PCSK6: variants seen among roughly 807,000 people sequenced by gnomAD.
PCSK6 encodes the protein paired basic amino acid cleaving enzyme 4.
In PCSK6, 85 loss-of-function variants were observed where a neutral mutation model predicts 123.3. The ratio of observed to expected loss-of-function variants is 0.69; its 90% confidence interval spans 0.58 to 0.83. The LOEUF (loss-of-function observed/expected upper bound fraction) is 0.83. Among genes scored for constraint, PCSK6 ranks in the 40% least tolerant of loss-of-function variants. The pLI is 0.00. For missense variants in PCSK6, 1,191 were observed against 1,282.3 expected (o/e 0.93, Z 1.09); for synonymous variants, 508 against 516.0 (o/e 0.98, Z 0.21).
At chr15:101,336,778 A>G (rs1182815266) in intron 13 of PCSK6, 1 of 145,474 alleles carries the variant, frequency 6.9e-6, no homozygotes, top group African/African-American at 2.6e-5. Flanking sequence ...GATCTGCAAG[A>G]TACTCATGAC....
intron 13 of PCSK6, among the ~76,000 whole-genome samples, chr15:101,332,667 A>C (rs570957346): frequency 6.6e-6 from 1 of 152,340 alleles, no homozygotes; most frequent in African/African-American, 2.4e-5. Flanking sequence ...CTTTGAAAGC[A>C]GGGGGATGAG....
At chr15:101,411,963 A>G (rs1270646519) in intron 6 of PCSK6, among the ~76,000 whole-genome samples, 1 of 152,192 alleles carries the variant, frequency 6.6e-6, no homozygotes, top group East Asian at 1.9e-4. Context: ...TTGTGTCAGG[A>G]TGCCTGGTGG....
rs8036419 is a variant in PCSK6, at chr15:101,348,181, G to C, written c.1859-16150C>G. 5.3e-5 allele frequency among the ~76,000 whole-genome samples: 8 copies of C among 151,828 alleles called. No homozygotes were observed. In the South Asian group the frequency reaches 6.2e-4, roughly 12 times the overall value. ...GTCCCGCTGGGTCGGACCGGCCCCT[G>C]CGCCTCCGCTGCTCCTCCCCGGTGG... On this transcript the variant is annotated intron_variant, in intron 13 of 21. Transcript: ENST00000611716.
intron 18 of PCSK6, among the ~76,000 whole-genome samples, chr15:101,320,127 C>T (rs2040083478): frequency 6.6e-6 from 1 of 151,400 alleles, no homozygotes; most frequent in Non-Finnish European, 1.5e-5. Flanking sequence ...ATTCTGTCAC[C>T]CAGGTGGGAG....
chr15:101,378,874 G>A (rs1010620714), intron 11 of PCSK6, among the ~76,000 whole-genome samples: 27 of 152,182 alleles, frequency 1.8e-4, no homozygotes, highest in Admixed American at 6.5e-5. Flanking sequence ...TTCAAATGAC[G>A]GAGCTGCCTC....
At chr15:101,320,394 A>G (rs1028597688) in intron 18 of PCSK6, among the ~76,000 whole-genome samples, 1 of 152,148 alleles carries the variant, frequency 6.6e-6, no homozygotes, top group Admixed American at 6.5e-5. Context: ...CCTGAGCTAT[A>G]TATTTATTAC....
intron 13 of PCSK6, chr15:101,347,014 A>G: frequency 2.4e-6 from 3 of 1,231,762 alleles, no homozygotes; most frequent in Non-Finnish European, 3.0e-6. Flanking sequence ...ATTAATGCAA[A>G]TGGGGTTAAA....
chr15:101,313,393 G>A lies in PCSK6; in HGVS notation c.2682C>T (p.Pro894=). 1 of 1,612,766 alleles carries A rather than the reference G, an allele frequency of 6.2e-7. No homozygotes were observed. Among genetic ancestry groups the A allele is most frequent in the Non-Finnish European group, 8.5e-7 (1 of 1,179,866 alleles). Residue 894 remains proline (P), a synonymous_variant, in exon 20 of 22, where the codon CCC becomes CCT. Transcript: ENST00000611716. ...GFYPEEMPGL[P]HKVCRRCDEN... is the part of the protein sequence containing the mutation. ...GACCGTACCTTCGACACACTTTGTGGGGCAAGCCCGGCATCTCTTCTGGGT... is the reference window on the plus strand; with the variant it reads ...GACCGTACCTTCGACACACTTTGTGAGGCAAGCCCGGCATCTCTTCTGGGT...
At chr15:101,458,625 C>G (rs1361132260) in intron 1 of PCSK6, among the ~76,000 whole-genome samples, 1 of 152,162 alleles carries the variant, frequency 6.6e-6, no homozygotes, top group African/African-American at 2.4e-5. Flanking sequence ...GACCCCAGCA[C>G]CCGAAGCGCG....
At chr15:101,402,162 A>T (rs1026384917) in intron 6 of PCSK6, among the ~76,000 whole-genome samples, 4 of 146,588 alleles carry the variant, frequency 2.7e-5, no homozygotes, top group African/African-American at 1.0e-4. Context: ...AAAAACAAGC[A>T]ATGGGGAAAG....
chr15:101,409,312 G>A (rs1236506306), intron 6 of PCSK6, among the ~76,000 whole-genome samples: 1 of 151,382 alleles, frequency 6.6e-6, no homozygotes, highest in Non-Finnish European at 1.5e-5. Context: ...AAGGCCAGGC[G>A]CAGTGGCTCA....
intron 8 of PCSK6, 97 bp downstream of exon 8, chr15:101,393,115 T>C: frequency 9.6e-7 from 1 of 1,039,126 alleles, no homozygotes; most frequent in Non-Finnish European, 1.5e-6. Context: ...CAATCTGGCC[T>C]CAATCTAAGC....
rs571196998 is a variant in PCSK6, at chr15:101,314,648, A to G, written c.2570-1143T>C. On this transcript the variant is annotated intron_variant, in intron 19 of 21. Coordinates refer to ENST00000611716, the MANE Select transcript of PCSK6 (RefSeq NM_002570.5). ...TTCACACCTCAGAACCACAGCCGTA[A>G]GCCTGGGAGGGAATTCTGAGCTCCT... Among the ~76,000 whole-genome samples the G allele has an allele frequency of 1.2e-3, 180 of 152,290 alleles. 2 individuals are homozygous for G. The highest frequency in any genetic ancestry group is 4.0e-3 in the African/African-American group (168 of 41,558).
chr15:101,471,344 C>CGTCCACCTTGTCTCTACCAT (rs57765985), intron 1 of PCSK6, among the ~76,000 whole-genome samples: 29,242 of 152,146 alleles, frequency 0.19, 2,951 homozygotes, highest in African/African-American at 0.23. Flanking sequence ...GTCTCTCCCA[C>CGTCCACCTTGTCTCTACCAT]GTCCACAAAA....
intron 12 of PCSK6, among the ~76,000 whole-genome samples, chr15:101,369,271 T>C (rs928233817): frequency 3.3e-5 from 5 of 152,226 alleles, no homozygotes; most frequent in Non-Finnish European, 7.3e-5. Flanking sequence ...TCAATTACCC[T>C]GTCTCATACA....
At chr15:101,342,129 C>CAAAAAAAAAAAAAAAAAAAAAAAAAA (rs35083182) in intron 13 of PCSK6, among the ~76,000 whole-genome samples, 6 of 51,520 alleles carry the variant, frequency 1.2e-4, no homozygotes, top group African/African-American at 4.6e-4. Flanking sequence ...GACCCTGTCT[C>CAAAAAAAAAAAAAAAAAAAAAAAAAA]AAAAAAAAAA....
intron 1 of PCSK6, among the ~76,000 whole-genome samples, chr15:101,480,345 G>T (rs9920225): frequency 2.0e-5 from 3 of 152,260 alleles, no homozygotes; most frequent in African/African-American, 7.2e-5. Context: ...GCCACAGGTC[G>T]GGCGTGGCTG....
intron 2 of PCSK6, among the ~76,000 whole-genome samples, chr15:101,433,074 C>T (rs1046221915): frequency 3.3e-5 from 5 of 152,196 alleles, no homozygotes; most frequent in East Asian, 3.9e-4. Context: ...GTTCACAAGG[C>T]TGTATCACTG....
chr15:101,343,066 A>T (rs1438995948), intron 13 of PCSK6, among the ~76,000 whole-genome samples: 2 of 152,204 alleles, frequency 1.3e-5, no homozygotes, highest in Non-Finnish European at 2.9e-5. Flanking sequence ...TTTCTTTTAA[A>T]TTATAGAATC....
Sources: gnomAD v4.1 joint callset for allele counts (sites outside exome capture counted in the v4.1 genomes callset) on GRCh38, gnomAD v4.1.1 for gene constraint, MANE v1.5 for transcripts, NCBI Gene and HGNC (gene_info 2026-07-23, HGNC 2026-07-21) for gene names.